The following KALRN variants were observed in gnomAD, a reference collection of about 807,000 sequenced individuals.
KALRN encodes the protein kalirin RhoGEF kinase, also known as kalirin.
A neutral mutation model predicts 353.7 loss-of-function variants in KALRN; 70 were observed. The observed-to-expected ratio is 0.20, with a 90% CI of 0.16 to 0.24. The LOEUF is 0.24. Ranked by LOEUF, KALRN falls within the 10% of genes least tolerant of loss-of-function variation. KALRN has a pLI of 1.00. For synonymous variants in KALRN, 1,391 were observed against 1,434.8 expected (o/e 0.97, Z 0.69); for missense variants, 2,791 against 3,756.7 (o/e 0.74, Z 6.72).
At chr3:124,476,685 T>C (rs1004270443) in intron 26 of KALRN, among the ~76,000 whole-genome samples, 4 of 152,130 alleles carry the variant, frequency 2.6e-5, no homozygotes, top group African/African-American at 9.7e-5. Flanking sequence ...TAGGAACCAT[T>C]GTTTAGCCTC....
At chr3:124,215,233 G>T (rs2077218367) in intron 1 of KALRN, among the ~76,000 whole-genome samples, 1 of 152,174 alleles carries the variant, frequency 6.6e-6, no homozygotes. Context: ...TACATCTGGG[G>T]CACCTGGGTA....
intron 35 of KALRN, 71 bp from the exon 36 acceptor site, chr3:124,633,781 G>A (rs1423303588): frequency 7.6e-7 from 1 of 1,319,662 alleles, no homozygotes; most frequent in East Asian, 2.5e-5. Context: ...TATTATTTTT[G>A]TTAATGTCAA....
intron 5 of KALRN, among the ~76,000 whole-genome samples, chr3:124,277,263 C>T (rs1408864903): frequency 6.6e-6 from 1 of 152,158 alleles, no homozygotes; most frequent in Non-Finnish European, 1.5e-5. Context: ...AAGGGCAAGG[C>T]CTTTACGGGG....
rs767945445 is a variant in KALRN at position 124,562,832 on chromosome 3, A to G, written c.4936-11A>G. 7.4e-7 allele frequency: 1 copy of G among 1,351,600 alleles called. No homozygotes were observed. The highest frequency in any genetic ancestry group is 2.0e-5 in the Admixed American group (1 of 50,470). 83.7% of individuals were successfully genotyped at this position (1,351,600 alleles called of 1,614,324 possible). A position where few individuals can be genotyped will look rare whatever the true frequency, so the allele number is the denominator to read the frequency against. The stretch of plus-strand genomic sequence containing the variant: ...CTCCTGTTCTACTCCCTCCACCACC[A>G]CCCTCCAAAGCTCTCTGGTGGATGT... On this transcript the variant is annotated splice_polypyrimidine_tract_variant and intron_variant, in intron 33 of 59. Transcript: ENST00000682506.
chr3:124,341,220 A>C (rs1244140246), intron 9 of KALRN, among the ~76,000 whole-genome samples: 3 of 152,228 alleles, frequency 2.0e-5, no homozygotes, highest in African/African-American at 7.2e-5. Flanking sequence ...AGTCAAGACG[A>C]GAAACCAAGA....
At chr3:124,456,090 T>C (rs978083801) in intron 22 of KALRN, among the ~76,000 whole-genome samples, 11 of 152,218 alleles carry the variant, frequency 7.2e-5, no homozygotes, top group Non-Finnish European at 1.3e-4. Flanking sequence ...CAAATGGTGG[T>C]TAAAATTAGC....
intron 34 of KALRN, among the ~76,000 whole-genome samples, chr3:124,611,123 T>A (rs1169053029): frequency 6.6e-6 from 1 of 152,018 alleles, no homozygotes; most frequent in African/African-American, 2.4e-5. Context: ...GAGGTGGGTG[T>A]TGTAGTTCTC....
chr3:124,409,410 C>T (rs1013832386), intron 13 of KALRN, among the ~76,000 whole-genome samples: 6 of 152,138 alleles, frequency 3.9e-5, no homozygotes, highest in African/African-American at 1.4e-4. Flanking sequence ...AACCCATGAC[C>T]CATGTTATTA....
intron 34 of KALRN, among the ~76,000 whole-genome samples, chr3:124,591,374 G>A (rs1247628892): frequency 6.6e-6 from 1 of 152,144 alleles, no homozygotes; most frequent in Non-Finnish European, 1.5e-5. Context: ...CTGGACACAA[G>A]CAATCCTCTC....
intron 10 of KALRN, among the ~76,000 whole-genome samples, chr3:124,349,125 A>G (rs898645726): frequency 3.9e-5 from 6 of 152,270 alleles, no homozygotes; most frequent in Non-Finnish European, 5.9e-5. Context: ...CTATTCAGAT[A>G]ATGGAATATT....
intron 34 of KALRN, among the ~76,000 whole-genome samples, chr3:124,585,970 G>A (rs2075137737): frequency 6.6e-6 from 1 of 152,088 alleles, no homozygotes; most frequent in Admixed American, 6.5e-5. Context: ...ACACAACATA[G>A]CCCTGAGAAA....
intron 5 of KALRN, among the ~76,000 whole-genome samples, chr3:124,277,353 T>G (rs898617088): frequency 1.3e-5 from 2 of 152,074 alleles, no homozygotes; most frequent in African/African-American, 4.8e-5. Context: ...ACTGAGACCT[T>G]AACCACCAAA....
At chr3:124,134,287 AC>A (rs1381554756) in intron 1 of KALRN, among the ~76,000 whole-genome samples, 5 of 152,124 alleles carry the variant, frequency 3.3e-5, no homozygotes, top group Non-Finnish European at 4.4e-5. Flanking sequence ...GGGAAAGGAC[AC>A]CCTTTTCAAC....
chr3:124,646,390 A>ATTTTTTTTTTTTTTTTTTTTTT (rs1578623220), intron 37 of KALRN, among the ~76,000 whole-genome samples: 1 of 94,672 alleles, frequency 1.1e-5, no homozygotes, highest in African/African-American at 3.9e-5. Flanking sequence ...TCTTTTGTTT[A>ATTTTTTTTTTTTTTTTTTTTTT]CTTTTTTTTT....
chr3:124,631,861 C>T (rs1261605793), intron 34 of KALRN, among the ~76,000 whole-genome samples: 1 of 152,186 alleles, frequency 6.6e-6, no homozygotes, highest in African/African-American at 2.4e-5. Flanking sequence ...CTTACTGATC[C>T]CCCCGGCTTA....
chr3:124,459,619 G>A (rs867546184), intron 23 of KALRN, among the ~76,000 whole-genome samples: 5 of 152,106 alleles, frequency 3.3e-5, no homozygotes, highest in African/African-American at 9.7e-5. Context: ...ACAATGAACC[G>A]TACCAATCTT....
At chr3:124,177,827 A>G (rs1223810296) in intron 1 of KALRN, among the ~76,000 whole-genome samples, 1 of 152,122 alleles carries the variant, frequency 6.6e-6, no homozygotes, top group Non-Finnish European at 1.5e-5. Flanking sequence ...GTTTCTTTTT[A>G]TCCTCTGCAG....
chr3:124,647,732 C>T (rs991425115), intron 37 of KALRN, among the ~76,000 whole-genome samples: 12 of 152,102 alleles, frequency 7.9e-5, no homozygotes, highest in Admixed American at 1.3e-4. Flanking sequence ...AAATATTTTC[C>T]TGAATTCAAA....
chr3:124,609,308 C>T (rs1203592173), intron 34 of KALRN, among the ~76,000 whole-genome samples: 3 of 152,068 alleles, frequency 2.0e-5, no homozygotes, highest in Non-Finnish European at 1.5e-5. Flanking sequence ...TCATGGAGTA[C>T]TTCCTACTTT....
Sources: gnomAD v4.1 joint callset for allele counts (sites outside exome capture counted in the v4.1 genomes callset) on GRCh38, gnomAD v4.1.1 for gene constraint, MANE v1.5 for transcripts, NCBI Gene and HGNC (gene_info 2026-07-23, HGNC 2026-07-21) for gene names.